The following NHEJ1 variants were observed in gnomAD, a reference collection of about 807,000 sequenced individuals.
NHEJ1 encodes the protein non-homologous end-joining factor 1.
Under a neutral mutation model 39.4 loss-of-function variants are expected in NHEJ1, and 22 were observed. The ratio of observed to expected loss-of-function variants is 0.56; its 90% confidence interval spans 0.40 to 0.80. The LOEUF (loss-of-function observed/expected upper bound fraction) is 0.80. NHEJ1 is among the 30% of genes least tolerant of loss of function. The probability of loss-of-function intolerance (pLI) is 0.00; values close to 1 mark genes in which losing one functional copy is unlikely to be tolerated. For synonymous variants in NHEJ1, 154 were observed against 135.6 expected, an observed-to-expected ratio of 1.14 and a Z score of -0.94; for missense variants, 329 against 357.1, an observed-to-expected ratio of 0.92 and a Z score of 0.63.
intron 5 of NHEJ1, among the ~76,000 whole-genome samples, chr2:219,083,333 TA>T (rs769017026): frequency 6.6e-6 from 1 of 151,800 alleles, no homozygotes; most frequent in Non-Finnish European, 1.5e-5. Flanking sequence ...ACTGCAGTAG[TA>T]AAAGGCTGAG....
intron 3 of NHEJ1, among the ~76,000 whole-genome samples, chr2:219,148,028 G>A (rs1299602840): frequency 6.6e-6 from 1 of 152,244 alleles, no homozygotes; most frequent in Non-Finnish European, 1.5e-5. Context: ...GAAGGCCAGG[G>A]CGGGTGGGTC....
intron 5 of NHEJ1, among the ~76,000 whole-genome samples, chr2:219,081,816 A>C (rs192900343): frequency 2.0e-5 from 3 of 152,254 alleles, no homozygotes; most frequent in Non-Finnish European, 4.4e-5. Context: ...TGGTGACATC[A>C]AGACAAGCCT....
intron 3 of NHEJ1, among the ~76,000 whole-genome samples, chr2:219,155,638 C>G (rs1176834970): frequency 6.6e-6 from 1 of 152,088 alleles, no homozygotes. Context: ...AAATAAACAT[C>G]AGGGCCGGGC....
intron 5 of NHEJ1, among the ~76,000 whole-genome samples, chr2:219,125,100 A>G (rs1257815572): frequency 6.9e-6 from 1 of 144,770 alleles, no homozygotes; most frequent in Non-Finnish European, 1.5e-5. Context: ...TCTTGGAATC[A>G]ATAGATTCCA....
intron 5 of NHEJ1, among the ~76,000 whole-genome samples, chr2:219,096,290 T>C (rs930190965): frequency 1.3e-5 from 2 of 152,214 alleles, no homozygotes; most frequent in African/African-American, 2.4e-5. Context: ...AAACATAAAG[T>C]GCTGTAGAGA....
intron 5 of NHEJ1, among the ~76,000 whole-genome samples, chr2:219,080,669 T>A (rs71352180): frequency 0.65 from 53,597 of 81,846 alleles, 18,184 homozygotes; most frequent in Non-Finnish European, 0.74. Context: ...ATATAAGCTT[T>A]TATATATGCT....
Position 219,077,275 on chromosome 2 carries a change from T to C in NHEJ1, c.796A>G (p.Thr266Ala). 7 of 1,613,882 alleles carry C rather than the reference T, an allele frequency of 4.3e-6. No homozygotes were observed. Among genetic ancestry groups the C allele is most frequent in the Non-Finnish European group, 4.2e-6 (5 of 1,179,900 alleles). ...QPEQLVSSAP[T>A]LSAPEKESTG... The stretch of plus-strand genomic sequence containing the variant: ...GACTCTTTCTCAGGTGCTGAGAGGG[T>C]TGGGGCTGAGGAGACCAGTTGTTCT... The change falls in exon 7 of 8, where the codon ACC becomes GCC. Residue 266 changes from threonine to alanine, a missense_variant. By Grantham distance (58) the Thr-to-Ala change is moderately conservative. Transcript: ENST00000356853.
chr2:219,108,525 T>A (rs1949334094), intron 5 of NHEJ1, among the ~76,000 whole-genome samples: 2 of 152,190 alleles, frequency 1.3e-5, no homozygotes, highest in Admixed American at 1.3e-4. Context: ...ACTACTCTAG[T>A]CATCCACAAA....
At chr2:219,142,124 G>C (rs547533696) in intron 5 of NHEJ1, among the ~76,000 whole-genome samples, 1 of 152,250 alleles carries the variant, frequency 6.6e-6, no homozygotes, top group South Asian at 2.1e-4. Flanking sequence ...GTTAACTATA[G>C]CCCCCTAATT....
At chr2:219,146,126 A>C (rs1463898443) in intron 5 of NHEJ1, among the ~76,000 whole-genome samples, 4 of 152,134 alleles carry the variant, frequency 2.6e-5, no homozygotes, top group Non-Finnish European at 5.9e-5. Flanking sequence ...AATCCTTAGA[A>C]GGGAAACCTA....
chr2:219,116,790 G>T (rs1265038998), intron 5 of NHEJ1, among the ~76,000 whole-genome samples: 1 of 152,218 alleles, frequency 6.6e-6, no homozygotes, highest in Non-Finnish European at 1.5e-5. Context: ...GGATCAGCTG[G>T]TTCCATTCCA....
intron 3 of NHEJ1, among the ~76,000 whole-genome samples, chr2:219,151,391 A>G (rs1949793943): frequency 6.6e-6 from 1 of 152,240 alleles, no homozygotes; most frequent in Non-Finnish European, 1.5e-5. Flanking sequence ...AACATGAAAC[A>G]TGACAAGGAA....
At chr2:219,115,266 A>C (rs886612936) in intron 5 of NHEJ1, among the ~76,000 whole-genome samples, 1 of 152,214 alleles carries the variant, frequency 6.6e-6, no homozygotes, top group African/African-American at 2.4e-5. Flanking sequence ...AAGAAGAAGA[A>C]AAGTCCAAAT....
At chr2:219,155,679 T>C (rs1378268391) in intron 3 of NHEJ1, among the ~76,000 whole-genome samples, 1 of 152,052 alleles carries the variant, frequency 6.6e-6, no homozygotes, top group Non-Finnish European at 1.5e-5. Flanking sequence ...TCCCAGCACT[T>C]TGGGAGGCCG....
chr2:219,150,554 T>TCA (rs758123918), intron 3 of NHEJ1, among the ~76,000 whole-genome samples: 32 of 152,154 alleles, frequency 2.1e-4, no homozygotes, highest in Admixed American at 2.0e-4. Context: ...GCATGGTGGC[T>TCA]CACGCCTATA....
chr2:219,105,813 C>T (rs1434575836), intron 5 of NHEJ1, among the ~76,000 whole-genome samples: 1 of 152,152 alleles, frequency 6.6e-6, no homozygotes, highest in African/African-American at 2.4e-5. Flanking sequence ...CTTCCTTATT[C>T]ATTTTCCCAT....
chr2:219,128,294 T>C (rs1446127988), intron 5 of NHEJ1, among the ~76,000 whole-genome samples: 2 of 152,142 alleles, frequency 1.3e-5, no homozygotes, highest in Non-Finnish European at 2.9e-5. Flanking sequence ...ATCAAACAGT[T>C]TGAGTACTAT....
rs1003337100 is a variant in NHEJ1, at chr2:219,136,291, T to C, written c.588+10389A>G. Among the ~76,000 whole-genome samples the C allele has an allele frequency of 3.3e-5, 5 of 150,314 alleles. No homozygotes were observed. In the South Asian group the frequency reaches 8.4e-4, roughly 25 times the overall value. On this transcript the variant is annotated intron_variant, in intron 5 of 7. Transcript: ENST00000356853. ...AATGTATTCCCACTTGGTTTCTTTT[T>C]TTTTTTTTTTTTTTAGAGACAAGGT...
rs1364512296 is a variant in NHEJ1 at position 219,072,808 on chromosome 2, T to C, written c.*3573A>G. On this transcript the variant is annotated 3_prime_UTR_variant, in exon 8 of 8. Transcript: ENST00000356853. ...TCTCTGGAGCGAATCTGTGTAGTTT[T>C]GTAAGTAGGAGAAAATGAGAGACAG... Among the ~76,000 whole-genome samples the C allele has an allele frequency of 7.9e-5, 12 of 152,170 alleles. No homozygotes were observed. Among genetic ancestry groups the C allele is most frequent in the Non-Finnish European group, 7.4e-5 (5 of 68,020 alleles).
Sources: allele counts gnomAD v4.1 joint callset (sites outside exome capture counted in the v4.1 genomes callset), GRCh38; gene constraint gnomAD v4.1.1; transcripts MANE v1.5; gene names NCBI Gene and HGNC (gene_info 2026-07-23, HGNC 2026-07-21).